The following DMGDH variants were observed in gnomAD, a reference collection of about 807,000 sequenced individuals.
The protein encoded by DMGDH is dimethylglycine dehydrogenase, also known as dimethylglycine dehydrogenase, mitochondrial.
In DMGDH, 76 loss-of-function variants were observed where a neutral mutation model predicts 95.2. The observed-to-expected ratio is 0.80, with a 90% CI of 0.66 to 0.97. DMGDH has a LOEUF of 0.97. DMGDH is among the 50% of genes least tolerant of loss of function. The pLI is 0.00. For missense variants in DMGDH, 987 were observed against 1,055.0 expected, an observed-to-expected ratio of 0.94 and a Z score of 0.89; for synonymous variants, 345 against 377.6, an observed-to-expected ratio of 0.91 and a Z score of 1.00.
At chr5:79,035,043 C>T (rs1423932669) in intron 7 of DMGDH, among the ~76,000 whole-genome samples, 1 of 105,274 alleles carries the variant, frequency 9.5e-6, no homozygotes, top group East Asian at 2.7e-4. Flanking sequence ...GGAGACACAG[C>T]GAGACTCCAT....
At chr5:79,034,197 A>G (rs537337019) in intron 7 of DMGDH, among the ~76,000 whole-genome samples, 5 of 151,944 alleles carry the variant, frequency 3.3e-5, no homozygotes, top group African/African-American at 1.2e-4. Context: ...GTTAGTTCTG[A>G]CCTCCTTAGA....
chr5:79,016,211 C>T (rs1753731221), intron 14 of DMGDH, among the ~76,000 whole-genome samples: 1 of 150,828 alleles, frequency 6.6e-6, no homozygotes, highest in Admixed American at 6.6e-5. Flanking sequence ...GCACTCCAGC[C>T]TGGAGACAGA....
At chr5:79,031,798 A>T (rs727674) in intron 9 of DMGDH, among the ~76,000 whole-genome samples, 56,296 of 152,140 alleles carry the variant, frequency 0.37, 12,276 homozygotes, top group African/African-American at 0.62. Context: ...AATGGTAGAA[A>T]AAACTTAGGC....
intron 5 of DMGDH, among the ~76,000 whole-genome samples, chr5:79,046,055 G>A (rs1000644468): frequency 4.0e-5 from 5 of 124,150 alleles, no homozygotes; most frequent in South Asian, 2.9e-4. Flanking sequence ...GCTATTTGCC[G>A]GTGTTTTGTT....
At chr5:79,022,763 G>A (rs969267492) in intron 14 of DMGDH, among the ~76,000 whole-genome samples, 2 of 152,164 alleles carry the variant, frequency 1.3e-5, no homozygotes, top group Non-Finnish European at 2.9e-5. Context: ...ATTTCAATAC[G>A]AAGGGATTAT....
intron 7 of DMGDH, among the ~76,000 whole-genome samples, chr5:79,040,817 C>T (rs686724): frequency 0.42 from 64,359 of 151,672 alleles, 15,177 homozygotes; most frequent in East Asian, 0.63. Flanking sequence ...ATAGACATTT[C>T]TCCAAAGAAG....
In DMGDH at chr5:79,030,036, T is replaced by A; in HGVS notation, c.1684-2A>T. 1.2e-6 allele frequency: 2 copies of A among 1,611,058 alleles called. No homozygotes were observed. Among genetic ancestry groups the A allele is most frequent in the Non-Finnish European group, 1.7e-6 (2 of 1,178,982 alleles). ...GTGACTTATATTTGTAAAACCCACC[T>A]ACATAAAAAAATTAAAAATTACCTT... On this transcript the variant is annotated splice_acceptor_variant, in intron 10 of 15. Transcript: ENST00000255189. LOFTEE classifies it high-confidence loss of function.
chr5:79,026,737 C>A (rs1429451766), intron 12 of DMGDH, among the ~76,000 whole-genome samples, 156 bp from the exon 13 acceptor site: 1 of 152,154 alleles, frequency 6.6e-6, no homozygotes, highest in African/African-American at 2.4e-5. Flanking sequence ...AGTTACAAGA[C>A]CCCACTGCAA....
chr5:79,040,094 C>G (rs986521334), intron 7 of DMGDH, among the ~76,000 whole-genome samples: 2 of 152,224 alleles, frequency 1.3e-5, no homozygotes, highest in Non-Finnish European at 2.9e-5. Flanking sequence ...GTTGTGGGAA[C>G]ACCCAGTTGG....
At position 79,024,369 on chromosome 5, in the gene DMGDH, C is replaced by G. The variant is rs747010433; in HGVS notation, c.2191-39G>C. 2.6e-6 allele frequency: 4 copies of G among 1,555,998 alleles called. No individual in the cohort carries two copies. In the South Asian group the frequency reaches 4.4e-5, roughly 17 times the overall value. On this transcript the variant is annotated intron_variant, in intron 13 of 15. Transcript: ENST00000255189. Reference sequence around the variant, plus strand: ...ACACATTTTAAATCTTAGATGAGTGCAAGTCATTTTGGTAACATCACTTTC... The same window carrying G: ...ACACATTTTAAATCTTAGATGAGTGGAAGTCATTTTGGTAACATCACTTTC...
intron 1 of DMGDH, among the ~76,000 whole-genome samples, chr5:79,066,627 A>G: frequency 6.6e-6 from 1 of 152,070 alleles, no homozygotes; most frequent in East Asian, 1.9e-4. Context: ...AACAGTTCTT[A>G]CTGTGAGTTT....
chr5:79,060,665 A>G (rs915290367), intron 2 of DMGDH, among the ~76,000 whole-genome samples: 1 of 152,144 alleles, frequency 6.6e-6, no homozygotes. Context: ...TCACGCCTGT[A>G]ATCCCAGCAC....
intron 14 of DMGDH, chr5:79,021,722 G>A (rs1427672605): frequency 7.8e-7 from 1 of 1,290,024 alleles, no homozygotes; most frequent in Non-Finnish European, 1.0e-6. Flanking sequence ...AAAACATGTG[G>A]GGGAAGTGTC....
chr5:79,014,408 A>G (rs1329313429), intron 14 of DMGDH, among the ~76,000 whole-genome samples: 1 of 152,246 alleles, frequency 6.6e-6, no homozygotes, highest in African/African-American at 2.4e-5. Context: ...GCCAACAACT[A>G]TAATATAGAG....
chr5:79,040,861 C>T (rs985460980), intron 7 of DMGDH, among the ~76,000 whole-genome samples: 2 of 152,206 alleles, frequency 1.3e-5, no homozygotes, highest in South Asian at 2.1e-4. Flanking sequence ...AGCACTCCTA[C>T]TTCCACATGC....
intron 1 of DMGDH, among the ~76,000 whole-genome samples, chr5:79,069,160 G>GCA (rs1755469172): frequency 8.3e-6 from 1 of 120,434 alleles, no homozygotes; most frequent in Admixed American, 9.2e-5. Flanking sequence ...AGGCAAGTCA[G>GCA]TGTGTGCTGA....
At chr5:79,000,305 C>A (rs1163935847) in intron 15 of DMGDH, 1 of 672,042 alleles carries the variant, frequency 1.5e-6, no homozygotes, top group Non-Finnish European at 2.8e-6. Context: ...TGCCCACCAG[C>A]TGCTCTTTCC....
intron 15 of DMGDH, among the ~76,000 whole-genome samples, chr5:79,002,618 GAC>G (rs138355954): frequency 1.3e-5 from 2 of 151,972 alleles, no homozygotes; most frequent in African/African-American, 4.8e-5. Context: ...GCATATGGTA[GAC>G]ACACACACAC....
intron 14 of DMGDH, among the ~76,000 whole-genome samples, chr5:79,005,736 G>A (rs1013639860): frequency 1.3e-5 from 2 of 152,286 alleles, no homozygotes; most frequent in East Asian, 3.9e-4. Flanking sequence ...TCTGGACAGT[G>A]GTACGGGCTG....
Sources: gnomAD v4.1 joint callset for allele counts (sites outside exome capture counted in the v4.1 genomes callset) on GRCh38, gnomAD v4.1.1 for gene constraint, MANE v1.5 for transcripts, NCBI Gene and HGNC (gene_info 2026-07-23, HGNC 2026-07-21) for gene names.